MSL3: variants seen among roughly 807,000 people sequenced by gnomAD.
The protein encoded by MSL3 is MSL complex subunit 3, also known as MSL3-like 1.
MSL3 carries 5 observed loss-of-function variants against 37.2 expected under a neutral mutation model. That is an observed-to-expected ratio of 0.13 (90% CI 0.07 to 0.28). The LOEUF is 0.28. Among genes scored for constraint, MSL3 ranks in the 10% least tolerant of loss-of-function variants. The probability of loss-of-function intolerance (pLI) is 1.00; values close to 1 mark genes in which losing one functional copy is unlikely to be tolerated. For missense variants in MSL3, 315 were observed against 408.5 expected, an observed-to-expected ratio of 0.77 and a Z score of 1.97; for synonymous variants, 149 against 147.6, an observed-to-expected ratio of 1.01 and a Z score of -0.07.
chrX:11,759,241 C>G (rs2053104189), intron 1 of MSL3, among the ~76,000 whole-genome samples: 1 of 112,315 alleles, frequency 8.9e-6, no homozygotes, highest in Non-Finnish European at 1.9e-5. Context: ...AAAGGACATC[C>G]CTAAAGGGAT....
At chrX:11,762,642 C>A (rs1485587692) in intron 6 of MSL3, among the ~76,000 whole-genome samples, 195 bp from the exon 7 acceptor site, 1 of 112,448 alleles carries the variant, frequency 8.9e-6, no homozygotes, top group East Asian at 2.8e-4. Flanking sequence ...ATATTGTAAT[C>A]TACATAAGGT....
chrX:11,765,998 G>A (rs1297240077), intron 9 of MSL3: 11 of 1,003,741 alleles, frequency 1.1e-5, no homozygotes, highest in Admixed American at 4.5e-5. Flanking sequence ...TGAGCAAATT[G>A]AGTTATCAGA....
At chrX:11,768,732 C>A in intron 10 of MSL3, 50 bp downstream of exon 10, 1 of 835,007 alleles carries the variant, frequency 1.2e-6, no homozygotes, top group Non-Finnish European at 1.8e-6. Context: ...TTTGTGATTA[C>A]TTCAATTCTA....
chrX:11,765,591 T>C lies in MSL3; in HGVS notation c.1033T>C (p.Leu345=). 1 of 1,210,419 alleles carries C rather than the reference T, an allele frequency of 8.3e-7. No individual in the cohort carries two copies. Residue 345 remains leucine, a synonymous_variant, in exon 9 of 13, where the codon TTG becomes CTG. Transcript: ENST00000312196. ...PKRRKAEPEA[L]QSLRRSTRHS... is the part of the protein sequence containing the mutation. ...AAGGCGCAAAGCTGAGCCAGAAGCA[T>C]TGCAGTCTCTGAGGCGGTCCACGCG... is the stretch of plus-strand genomic sequence containing the variant.
intron 10 of MSL3, among the ~76,000 whole-genome samples, chrX:11,771,161 G>T (rs886303282): frequency 6.2e-5 from 7 of 112,543 alleles, no homozygotes; most frequent in Non-Finnish European, 1.3e-4. Context: ...CTGAGTTTGT[G>T]GGGGCATCTT....
intron 12 of MSL3, among the ~76,000 whole-genome samples, chrX:11,774,381 G>A (rs758843793): frequency 2.7e-5 from 3 of 111,718 alleles, no homozygotes; most frequent in Non-Finnish European, 5.6e-5. Flanking sequence ...GTGCAGTGGC[G>A]TGATCTCGGC....
intron 1 of MSL3, 121 bp downstream of exon 1, chrX:11,758,486 G>A: frequency 1.0e-6 from 1 of 987,227 alleles, no homozygotes; most frequent in Non-Finnish European, 1.3e-6. Context: ...CCTGCGAGGA[G>A]CGGTGCGGCC....
At chrX:11,758,624 C>A in intron 1 of MSL3, 2 of 1,149,261 alleles carry the variant, frequency 1.7e-6, no homozygotes, top group Non-Finnish European at 2.3e-6. Context: ...GTCGCGTTAC[C>A]GGGGCTACCG....
chrX:11,759,269 A>G (rs2053104472), intron 1 of MSL3, among the ~76,000 whole-genome samples: 1 of 112,111 alleles, frequency 8.9e-6, no homozygotes, highest in Non-Finnish European at 1.9e-5. Flanking sequence ...TTCTGCCTTC[A>G]GTTCCCTCCC....
In MSL3 at chrX:11,775,033, C is replaced by T; in HGVS notation, c.1520C>T (p.Ala507Val). ...TTCCCAGAGTCGGCTTATGTCGCTG[C>T]CTGTGAGGCACATTACAGCACCAAG... ...DFFPESAYVA[A>V]CEAHYSTKNP... Residue 507 changes from alanine (A) to valine (V), a missense_variant, in exon 13 of 13, where the codon GCC becomes GTC. Coordinates refer to ENST00000312196, the MANE Select transcript of MSL3 (RefSeq NM_078629.4). The T allele has an allele frequency of 1.7e-6, 2 of 1,209,801 alleles. No homozygotes were observed. Among genetic ancestry groups the T allele is most frequent in the Non-Finnish European group, 2.2e-6 (2 of 894,261 alleles).
At chrX:11,761,050 T>A in intron 4 of MSL3, 113 bp downstream of exon 4, 1 of 529,591 alleles carries the variant, frequency 1.9e-6, no homozygotes, top group East Asian at 3.8e-5. Flanking sequence ...TGTATAATAT[T>A]TGCCCCATTT....
At position 11,762,160 on chromosome X, in the gene MSL3, G is replaced by A; in HGVS notation, c.496G>A (p.Glu166Lys). The A allele has an allele frequency of 8.6e-7, 1 of 1,157,702 alleles. No homozygotes were observed. Among genetic ancestry groups the A allele is most frequent in the Non-Finnish European group, 1.2e-6 (1 of 867,567 alleles). ...KEEPELQTRR[E>K]MEERTITIEI... ...AGAACCAGAGCTTCAAACAAGAAGG[G>A]AAATGGAAGAAAGAACAATAACTAT... The change falls in exon 6 of 13, where the codon GAA (glutamate) becomes AAA (lysine). Residue 166 changes from glutamate (E) to lysine (K), a missense_variant. By Grantham distance (56) the Glu-to-Lys change is moderately conservative (BLOSUM62 1). Transcript: ENST00000312196.
At chrX:11,768,186 C>A (rs7887326) in intron 9 of MSL3, 9,340 of 127,499 alleles carry the variant, frequency 0.073, 617 homozygotes, top group African/African-American at 0.23. Context: ...CACCCCCCCA[C>A]GAGAAACCCC....
chrX:11,771,514 C>G (rs1234379525), intron 10 of MSL3, among the ~76,000 whole-genome samples: 1 of 112,630 alleles, frequency 8.9e-6, no homozygotes, highest in Non-Finnish European at 1.9e-5. Flanking sequence ...TAATATTATT[C>G]AGAACATCTA....
intron 6 of MSL3, 76 bp from the exon 7 acceptor site, chrX:11,762,761 A>G: frequency 3.1e-6 from 3 of 971,731 alleles, no homozygotes; most frequent in Admixed American, 2.8e-5. Context: ...TGATACAGAC[A>G]TGACCAGTGT....
At chrX:11,766,233 C>T in intron 9 of MSL3, 5 of 766,781 alleles carry the variant, frequency 6.5e-6, no homozygotes, top group Non-Finnish European at 7.7e-6. Context: ...ATCTTCTCAC[C>T]TTGATTTTGA....
chrX:11,763,201 T>C (rs1393854790), intron 7 of MSL3, among the ~76,000 whole-genome samples: 1 of 113,282 alleles, frequency 8.8e-6, no homozygotes, highest in Non-Finnish European at 1.9e-5. Flanking sequence ...TATTTACACA[T>C]CTTACATGGA....
intron 1 of MSL3, among the ~76,000 whole-genome samples, chrX:11,759,079 C>T (rs1287187078): frequency 8.9e-6 from 1 of 111,871 alleles, no homozygotes; most frequent in East Asian, 2.8e-4. Context: ...GGCACCAGGT[C>T]TCCCAGATCC....
intron 9 of MSL3, chrX:11,766,098 G>A: frequency 4.5e-6 from 4 of 887,138 alleles, no homozygotes; most frequent in Middle Eastern, 5.1e-4. Context: ...TTTGTACTCT[G>A]TCTCTGTAGT....
Sources: allele counts gnomAD v4.1 joint callset (sites outside exome capture counted in the v4.1 genomes callset), GRCh38; gene constraint gnomAD v4.1.1; transcripts MANE v1.5; gene names NCBI Gene and HGNC (gene_info 2026-07-23, HGNC 2026-07-21).